The following ZFYVE9 variants were observed in gnomAD, a reference collection of about 807,000 sequenced individuals.
ZFYVE9 encodes the protein zinc finger FYVE-type containing 9.
Under a neutral mutation model 126.7 loss-of-function variants are expected in ZFYVE9, and 43 were observed. The observed-to-expected ratio is 0.34, with a 90% CI of 0.27 to 0.44. The LOEUF is 0.44. ZFYVE9 is among the 20% of genes least tolerant of loss of function. ZFYVE9 has a pLI of 1.00. For missense variants in ZFYVE9, 1,476 were observed against 1,697.0 expected, an observed-to-expected ratio of 0.87 and a Z score of 2.29; for synonymous variants, 521 against 597.4, an observed-to-expected ratio of 0.87 and a Z score of 1.87.
In ZFYVE9 at chr1:52,293,360, C is replaced by G. The variant is rs1645941658; in HGVS notation, c.3026-93C>G. On this transcript the variant is annotated intron_variant, in intron 10 of 18. Transcript: ENST00000287727. The stretch of plus-strand genomic sequence containing the variant: ...CGCCACTGCACTCCAGCCTGGGCAA[C>G]AGCCAGACTCCGTCTCAAAAAAAAA... 5 of 1,116,138 alleles carry G rather than the reference C, an allele frequency of 4.5e-6. 1 individual carries two copies. Among genetic ancestry groups the G allele is most frequent in the South Asian group, 1.8e-5 (1 of 56,698 alleles). The allele number at this position is 1,116,138 out of a possible 1,614,324, so 69.1% of individuals were successfully genotyped here.
chr1:52,142,450 C>CT lies in ZFYVE9; in HGVS notation c.-143+48dup, dbSNP rs1558025295. On this transcript the variant is annotated intron_variant, in intron 1 of 18. Coordinates refer to ENST00000287727, the MANE Select transcript of ZFYVE9 (RefSeq NM_004799.4). This position sits in a 1 kb window ranked among gnomAD's most constrained non-coding sequence, Gnocchi z 4.5. ...CCGGGGCTCGCCGGCCTCCCGCCGC[C>CT]TGTGGGGGCCCTGGCGGCAGACCGC... 2.6e-5 allele frequency: 4 copies of CT among 152,022 alleles called. No individual in the cohort carries two copies. The highest frequency in any genetic ancestry group is 9.7e-5 in the African/African-American group (4 of 41,428). The allele number at this position is 152,022 out of a possible 1,614,324, so 9.4% of individuals were successfully genotyped here.
In ZFYVE9 at chr1:52,238,255, G is replaced by C. The variant is rs1305211886; in HGVS notation, c.838G>C (p.Ala280Pro). Reference sequence around the variant, plus strand: ...ATCCCAGGGAACAGATGGATGTCCTGCTGTTAAAAAGCAAGAGAACTATAT... The same window carrying C: ...ATCCCAGGGAACAGATGGATGTCCTCCTGTTAAAAAGCAAGAGAACTATAT... ...ISSQGTDGCPAVKKQENYIPD... is the reference protein window; with the variant it reads ...ISSQGTDGCPPVKKQENYIPD... The change falls in exon 4 of 19, where the codon GCT becomes CCT. Residue 280 changes from alanine to proline, a missense_variant. By Grantham distance (27) the Ala-to-Pro change is conservative (BLOSUM62 -1). Transcript: ENST00000287727. 2.5e-6 allele frequency: 4 copies of C among 1,614,044 alleles called. No homozygotes were observed. Among genetic ancestry groups the C allele is most frequent in the Non-Finnish European group, 2.5e-6 (3 of 1,179,960 alleles).
chr1:52,263,920 G>A, intron 5 of ZFYVE9, 48 bp downstream of exon 5: 1 of 1,305,722 alleles, frequency 7.7e-7, no homozygotes, highest in Non-Finnish European at 1.1e-6. Flanking sequence ...ACAAAACAAG[G>A]GAATTACGAT....
chr1:52,263,350 C>A (rs1445241914), intron 4 of ZFYVE9, among the ~76,000 whole-genome samples: 9 of 152,006 alleles, frequency 5.9e-5, no homozygotes, highest in Admixed American at 5.9e-4. Context: ...AGGATAGTAA[C>A]AAACAGAAGT....
chr1:52,253,877 A>G (rs1167099286), intron 4 of ZFYVE9: 5 of 1,191,218 alleles, frequency 4.2e-6, no homozygotes, highest in East Asian at 2.3e-5. Flanking sequence ...TACAAATCTG[A>G]TGAAAGCTAT....
intron 1 of ZFYVE9, chr1:52,180,144 C>A: frequency 8.6e-7 from 1 of 1,158,252 alleles, no homozygotes; most frequent in Non-Finnish European, 1.3e-6. Context: ...GGATTATGTT[C>A]AAGAAGTTAC....
chr1:52,263,674 A>C (rs137881404), intron 4 of ZFYVE9, 99 bp from the exon 5 acceptor site: 118 of 542,834 alleles, frequency 2.2e-4, no homozygotes, highest in African/African-American at 2.1e-3. Context: ...TAGTTTAATA[A>C]GGTTCACTGA....
At chr1:52,267,998 T>G (rs1395047648) in intron 6 of ZFYVE9, among the ~76,000 whole-genome samples, 2 of 152,240 alleles carry the variant, frequency 1.3e-5, no homozygotes, top group Admixed American at 6.5e-5. Flanking sequence ...TTCTTTAACA[T>G]TCTTCAGGGC....
chr1:52,265,050 T>C (rs1032505101), intron 5 of ZFYVE9, among the ~76,000 whole-genome samples: 1 of 152,198 alleles, frequency 6.6e-6, no homozygotes, highest in African/African-American at 2.4e-5. Flanking sequence ...ATCTTCCAAC[T>C]TGATAGCTAA....
At chr1:52,202,348 C>T (rs974498922) in intron 1 of ZFYVE9, among the ~76,000 whole-genome samples, 10 of 151,636 alleles carry the variant, frequency 6.6e-5, no homozygotes, top group Non-Finnish European at 1.0e-4. Context: ...GGCCTGATCT[C>T]GGTTAACCTC....
In ZFYVE9 at chr1:52,238,204, A is replaced by C; in HGVS notation, c.787A>C (p.Ser263Arg). The change falls in exon 4 of 19, where the codon AGT (serine) becomes CGT (arginine). Residue 263 changes from serine (S) to arginine (R), a missense_variant. Coordinates refer to ENST00000287727, the MANE Select transcript of ZFYVE9 (RefSeq NM_004799.4). Reference sequence around the variant, plus strand: ...AGACCCCTCCATGTCTGCGATTACAAGTTTAACGGTTGATTCAGTAATCTC... The same window carrying C: ...AGACCCCTCCATGTCTGCGATTACACGTTTAACGGTTGATTCAGTAATCTC... Reference protein sequence around the residue: ...GRDPSMSAITSLTVDSVISSQ... With the variant: ...GRDPSMSAITRLTVDSVISSQ... 6.2e-7 allele frequency: 1 copy of C among 1,614,102 alleles called. No homozygotes were observed.
chr1:52,162,425 A>G lies in ZFYVE9; in HGVS notation c.-143+20022A>G, dbSNP rs1247506138. ...ATAGATGCCTGGTATAGGTGTGCGCATTGTCTTGGTAATAGAATAATCCAC... is the reference window on the plus strand; with the variant it reads ...ATAGATGCCTGGTATAGGTGTGCGCGTTGTCTTGGTAATAGAATAATCCAC... On this transcript the variant is annotated intron_variant, in intron 1 of 18. Coordinates refer to ENST00000287727, the MANE Select transcript of ZFYVE9 (RefSeq NM_004799.4). 3 of 269,014 alleles carry G rather than the reference A, an allele frequency of 1.1e-5. No homozygotes were observed. In the East Asian group the frequency reaches 2.8e-4, roughly 25 times the overall value. 16.7% of individuals were successfully genotyped at this position (269,014 alleles called of 1,614,324 possible). A position where few individuals can be genotyped will look rare whatever the true frequency, so the allele number is the denominator to read the frequency against.
At chr1:52,176,131 C>T (rs1026043565) in intron 1 of ZFYVE9, among the ~76,000 whole-genome samples, 17 of 152,156 alleles carry the variant, frequency 1.1e-4, no homozygotes, top group Non-Finnish European at 2.1e-4. Flanking sequence ...GTAGTTTTAT[C>T]TACTTTTGGT....
At chr1:52,234,001 A>T (rs1326370171) in intron 3 of ZFYVE9, among the ~76,000 whole-genome samples, 1 of 151,966 alleles carries the variant, frequency 6.6e-6, no homozygotes, top group Non-Finnish European at 1.5e-5. Context: ...GGCTGGTCTT[A>T]AACTCCTGGT....
chr1:52,260,182 C>T (rs948976337), intron 4 of ZFYVE9, among the ~76,000 whole-genome samples: 4 of 151,946 alleles, frequency 2.6e-5, no homozygotes, highest in African/African-American at 7.3e-5. Flanking sequence ...ACCCTCACCA[C>T]CGTTAGATAT....
intron 1 of ZFYVE9, among the ~76,000 whole-genome samples, chr1:52,182,512 G>A (rs1012627412): frequency 3.0e-4 from 45 of 152,078 alleles, no homozygotes; most frequent in African/African-American, 8.9e-4. Flanking sequence ...GATTAAGGGC[G>A]GTGCAAGATG....
At chr1:52,242,415 TG>T (rs907910304) in intron 4 of ZFYVE9, among the ~76,000 whole-genome samples, 7 of 152,216 alleles carry the variant, frequency 4.6e-5, no homozygotes, top group Non-Finnish European at 1.0e-4. Context: ...CCAAGCTTGA[TG>T]AGGGTAAGGA....
In ZFYVE9 at chr1:52,344,759, G is replaced by A. The variant is rs1234537667; in HGVS notation, c.3940-9G>A. ...ACAAGTTTAAAAGTCTCTTTTGTTT[G>A]GGGAACAGGTGTTTTTCCTAGAAAA... On this transcript the variant is annotated splice_polypyrimidine_tract_variant and intron_variant, in intron 17 of 18. Transcript: ENST00000287727. The A allele has an allele frequency of 6.2e-7, 1 of 1,612,144 alleles. No homozygotes were observed. Among genetic ancestry groups the A allele is most frequent in the Admixed American group, 1.7e-5 (1 of 59,906 alleles).
chr1:52,269,826 C>A (rs910779645), intron 7 of ZFYVE9, among the ~76,000 whole-genome samples: 1 of 151,382 alleles, frequency 6.6e-6, no homozygotes, highest in Non-Finnish European at 1.5e-5. Context: ...CTCACTCTAT[C>A]GCCCAGGCTC....
Sources: gnomAD v4.1 joint callset for allele counts (sites outside exome capture counted in the v4.1 genomes callset) on GRCh38, gnomAD v4.1.1 for gene constraint, Gnocchi (gnomAD v3.1) non-coding constraint, MANE v1.5 for transcripts, NCBI Gene and HGNC (gene_info 2026-07-23, HGNC 2026-07-21) for gene names.